Variants in CD2AP observed in about 807,000 individuals in gnomAD.
CD2AP encodes the protein CD2 associated protein.
CD2AP carries 46 observed loss-of-function variants against 85.1 expected under a neutral mutation model. The ratio of observed to expected loss-of-function variants is 0.54; its 90% CI spans 0.43 to 0.69. The LOEUF is 0.69. Among genes scored for constraint, CD2AP ranks in the 30% least tolerant of loss-of-function variants. The pLI is 0.00. For missense variants in CD2AP, 769 were observed against 729.5 expected (o/e 1.05, Z -0.62); for synonymous variants, 255 against 252.9 (o/e 1.01, Z -0.08).
chr6:47,592,119 A>C (rs944040247), intron 11 of CD2AP, among the ~76,000 whole-genome samples: 1 of 152,152 alleles, frequency 6.6e-6, no homozygotes, highest in African/African-American at 2.4e-5. Context: ...TAAAGGCATG[A>C]GCCACTGCAC....
At chr6:47,505,597 C>T (rs1304517667) in intron 2 of CD2AP, among the ~76,000 whole-genome samples, 9 of 129,094 alleles carry the variant, frequency 7.0e-5, no homozygotes, top group Non-Finnish European at 1.0e-4. Context: ...ACCTCCCGGA[C>T]GGGGCGGCTG....
rs1008121649 is a variant in CD2AP, at chr6:47,601,203, C to T, written c.1417+1760C>T. Reference sequence around the variant, plus strand: ...TCTGTTTTTACTTGGTTTGGGGGACCCTATTTCTATCTTTTATACATAGCT... The same window carrying T: ...TCTGTTTTTACTTGGTTTGGGGGACTCTATTTCTATCTTTTATACATAGCT... On this transcript the variant is annotated intron_variant, in intron 13 of 17. Transcript: ENST00000359314. Among the ~76,000 whole-genome samples, 96 of 151,552 alleles carry T rather than the reference C, an allele frequency of 6.3e-4. 3 individuals are homozygous for T. The highest frequency in any genetic ancestry group is 1.5e-5 in the Non-Finnish European group (1 of 67,810).
At chr6:47,537,976 C>T (rs1293648815) in intron 3 of CD2AP, among the ~76,000 whole-genome samples, 1 of 151,886 alleles carries the variant, frequency 6.6e-6, no homozygotes, top group East Asian at 1.9e-4. Flanking sequence ...GTCTCAAACT[C>T]CTGGCCTCAA....
intron 2 of CD2AP, among the ~76,000 whole-genome samples, chr6:47,517,620 C>G (rs1048900208): frequency 6.6e-6 from 1 of 152,036 alleles, no homozygotes; most frequent in African/African-American, 2.4e-5. Flanking sequence ...AATTACCCAG[C>G]CTCAGATACT....
chr6:47,533,784 T>A (rs138104337), intron 3 of CD2AP, 29 bp downstream of exon 3: 2 of 1,607,628 alleles, frequency 1.2e-6, no homozygotes, highest in Non-Finnish European at 1.7e-6. Context: ...TCCTGCATAA[T>A]TACATCAAAA....
chr6:47,531,343 A>G (rs1038190367), intron 2 of CD2AP, among the ~76,000 whole-genome samples: 2 of 152,126 alleles, frequency 1.3e-5, no homozygotes, highest in African/African-American at 2.4e-5. Flanking sequence ...CATTTAAAAA[A>G]TAATACACAG....
intron 11 of CD2AP, among the ~76,000 whole-genome samples, chr6:47,582,777 T>G (rs1768512996): frequency 8.1e-6 from 1 of 123,440 alleles, no homozygotes; most frequent in Non-Finnish European, 1.7e-5. Flanking sequence ...TCATGTTTTT[T>G]TTGTTTTTTT....
At chr6:47,591,693 A>G (rs1172120828) in intron 11 of CD2AP, among the ~76,000 whole-genome samples, 1 of 152,162 alleles carries the variant, frequency 6.6e-6, no homozygotes, top group Non-Finnish European at 1.5e-5. Flanking sequence ...CTTATTACGT[A>G]CAGTGTTGGT....
At chr6:47,618,905 G>C (rs555272847) in intron 17 of CD2AP, among the ~76,000 whole-genome samples, 25 of 152,152 alleles carry the variant, frequency 1.6e-4, no homozygotes, top group African/African-American at 5.8e-4. Context: ...GCACACCTAA[G>C]GCACTAAAGT....
intron 16 of CD2AP, among the ~76,000 whole-genome samples, chr6:47,610,366 C>T (rs1769397446): frequency 6.6e-6 from 1 of 152,134 alleles, no homozygotes; most frequent in Non-Finnish European, 1.5e-5. Flanking sequence ...CCCTTGTCTT[C>T]AAATTCCCTT....
At chr6:47,524,376 A>G (rs1766669771) in intron 2 of CD2AP, among the ~76,000 whole-genome samples, 1 of 152,118 alleles carries the variant, frequency 6.6e-6, no homozygotes, top group African/African-American at 2.4e-5. Context: ...AGAATTTCCC[A>G]TGTAAGCCTC....
intron 4 of CD2AP, among the ~76,000 whole-genome samples, chr6:47,552,624 A>AT (rs540674399): frequency 3.4e-4 from 51 of 151,992 alleles, no homozygotes; most frequent in South Asian, 1.5e-3. Context: ...ATTTTTGTGT[A>AT]TTTTTTTACC....
chr6:47,583,342 G>A (rs900489563), intron 11 of CD2AP, among the ~76,000 whole-genome samples: 2 of 152,124 alleles, frequency 1.3e-5, no homozygotes, highest in Non-Finnish European at 2.9e-5. Context: ...TTTGACAAAT[G>A]TATAATGTCC....
chr6:47,612,187 T>G (rs544850469), intron 16 of CD2AP, among the ~76,000 whole-genome samples: 1 of 152,270 alleles, frequency 6.6e-6, no homozygotes, highest in African/African-American at 2.4e-5. Flanking sequence ...GATAGCCGAA[T>G]ATAGAAAATT....
At chr6:47,622,274 C>G (rs1032346329) in intron 17 of CD2AP, among the ~76,000 whole-genome samples, 4 of 152,172 alleles carry the variant, frequency 2.6e-5, no homozygotes, top group African/African-American at 9.7e-5. Flanking sequence ...CTTCTAGCTG[C>G]GAAAGAAAAG....
At chr6:47,586,140 A>G (rs1344514345) in intron 11 of CD2AP, among the ~76,000 whole-genome samples, 1 of 152,224 alleles carries the variant, frequency 6.6e-6, no homozygotes, top group Non-Finnish European at 1.5e-5. Context: ...CAAGTACATT[A>G]AAACAGCTAT....
intron 6 of CD2AP, among the ~76,000 whole-genome samples, chr6:47,575,650 A>G (rs560362272): frequency 1.3e-5 from 2 of 152,210 alleles, no homozygotes; most frequent in African/African-American, 2.4e-5. Context: ...AGATTTTTAA[A>G]TAATGACATC....
chr6:47,508,683 T>C (rs1222221110), intron 2 of CD2AP, among the ~76,000 whole-genome samples: 1 of 152,056 alleles, frequency 6.6e-6, no homozygotes, highest in African/African-American at 2.4e-5. Flanking sequence ...TAGCTGGGAT[T>C]ACAGGGGCGT....
chr6:47,621,077 T>G lies in CD2AP; in HGVS notation c.1879-3109T>G, dbSNP rs985093626. Among the ~76,000 whole-genome samples the G allele has an allele frequency of 4.6e-5, 7 of 152,222 alleles. No individual in the cohort carries two copies. In the South Asian group the frequency reaches 1.4e-3, roughly 32 times the overall value. ...TTGCTCTGGCTAGGACTTCCAGTAC[T>G]ATGTTGAAGAGGAGTGGTGAGAGCA... On this transcript the variant is annotated intron_variant, in intron 17 of 17. Transcript: ENST00000359314.
Sources: allele counts gnomAD v4.1 joint callset (sites outside exome capture counted in the v4.1 genomes callset), GRCh38; gene constraint gnomAD v4.1.1; transcripts MANE v1.5; gene names NCBI Gene and HGNC (gene_info 2026-07-23, HGNC 2026-07-21).